FAM168A: variants seen among roughly 807,000 people sequenced by gnomAD.
The protein encoded by FAM168A is family with sequence similarity 168 member A.
A neutral mutation model predicts 28.5 loss-of-function variants in FAM168A; 3 were observed. The ratio of observed to expected loss-of-function variants is 0.11; its 90% CI spans 0.05 to 0.27. The LOEUF (loss-of-function observed/expected upper bound fraction) is 0.27, where lower values mean the gene tolerates loss of function less well. Among genes scored for constraint, FAM168A ranks in the 10% least tolerant of loss-of-function variants. The pLI, the probability that FAM168A is intolerant of heterozygous loss-of-function variation, is 1.00. For synonymous variants in FAM168A, 122 were observed against 124.2 expected (o/e 0.98, Z 0.12); for missense variants, 222 against 311.5 (o/e 0.71, Z 2.16).
At chr11:73,463,511 A>T (rs1270146386) in intron 2 of FAM168A, among the ~76,000 whole-genome samples, 5 of 152,220 alleles carry the variant, frequency 3.3e-5, no homozygotes, top group Non-Finnish European at 7.3e-5. Flanking sequence ...GATGTTCAGG[A>T]GACGGCTGGA....
At chr11:73,583,107 A>G (rs1488979721) in intron 1 of FAM168A, among the ~76,000 whole-genome samples, 1 of 152,182 alleles carries the variant, frequency 6.6e-6, no homozygotes, top group Non-Finnish European at 1.5e-5. Context: ...GATCAAGACC[A>G]TCCTGGCTAA....
intron 3 of FAM168A, among the ~76,000 whole-genome samples, chr11:73,426,703 CTGTGTGTGTGTGTG>C (rs34499254): frequency 1.4e-5 from 2 of 144,204 alleles, no homozygotes; most frequent in East Asian, 4.1e-4. Context: ...CCAAAATATG[CTGTGTGTGTGTGTG>C]TGTGTGTGTG....
In FAM168A at chr11:73,404,495, G is replaced by T. The variant is rs1202228953; in HGVS notation, c.*2268C>A. On this transcript the variant is annotated 3_prime_UTR_variant, in exon 8 of 8. Coordinates refer to ENST00000356467, the MANE Select transcript of FAM168A (RefSeq NM_015159.3). ...TTTCAAACACGTATGACATAATCTAGAACAACCTTCACCCACCTTTACAAA... is the reference window on the plus strand; with the variant it reads ...TTTCAAACACGTATGACATAATCTATAACAACCTTCACCCACCTTTACAAA... 6.6e-6 allele frequency: 1 copy of T among 152,166 alleles called. No homozygotes were observed. Among genetic ancestry groups the T allele is most frequent in the Non-Finnish European group, 1.5e-5 (1 of 68,022 alleles). 9.4% of individuals were successfully genotyped at this position (152,166 alleles called of 1,614,324 possible). A position where few individuals can be genotyped will look rare whatever the true frequency, so the allele number is the denominator to read the frequency against.
At chr11:73,550,195 A>G (rs1465893654) in intron 1 of FAM168A, among the ~76,000 whole-genome samples, 3 of 152,234 alleles carry the variant, frequency 2.0e-5, no homozygotes, top group African/African-American at 7.2e-5. Flanking sequence ...GTAGACAGAA[A>G]CTTAAATTGG....
chr11:73,507,247 C>T (rs912414843), intron 1 of FAM168A, among the ~76,000 whole-genome samples: 2 of 152,196 alleles, frequency 1.3e-5, no homozygotes, highest in African/African-American at 4.8e-5. Flanking sequence ...ACAGACCCAA[C>T]ATCTTATTTT....
At chr11:73,565,428 G>GT (rs1442292539) in intron 1 of FAM168A, among the ~76,000 whole-genome samples, 1 of 152,116 alleles carries the variant, frequency 6.6e-6, no homozygotes, top group Non-Finnish European at 1.5e-5. Context: ...GAGACAGGAG[G>GT]TAAATAAAGG....
chr11:73,407,584 T>C lies in FAM168A; in HGVS notation c.655A>G (p.Thr219Ala), dbSNP rs374821207. ...AIGAHPVSMP[T>A]YRAQGTPAYS... is the part of the protein sequence containing the mutation. ...GCAGGGGTTCCTTGGGCCCTATATG[T>C]TGGCATGGAGACAGGGTGTGCCCCA... The change falls in exon 7 of 8, where the codon ACA (threonine) becomes GCA (alanine). Residue 219 changes from threonine (T) to alanine (A), a missense_variant. Thr to Ala is a moderately conservative substitution (Grantham distance 58). Coordinates refer to ENST00000356467, the MANE Select transcript of FAM168A (RefSeq NM_015159.3). 89 of 1,609,114 alleles carry C rather than the reference T, an allele frequency of 5.5e-5. No homozygotes were observed. The highest frequency in any genetic ancestry group is 7.3e-5 in the Non-Finnish European group (86 of 1,178,294).
intron 1 of FAM168A, among the ~76,000 whole-genome samples, chr11:73,575,866 T>A (rs1944166681): frequency 1.4e-5 from 2 of 146,506 alleles, no homozygotes; most frequent in South Asian, 2.1e-4. Flanking sequence ...TCAAACTATG[T>A]CAAAAAAAAA....
chr11:73,472,706 C>T (rs928359255), intron 1 of FAM168A, among the ~76,000 whole-genome samples: 4 of 152,166 alleles, frequency 2.6e-5, no homozygotes, highest in Admixed American at 2.0e-4. Flanking sequence ...GGAAACTAGT[C>T]ATGTTTTTTA....
At chr11:73,528,268 T>C (rs556076952) in intron 1 of FAM168A, among the ~76,000 whole-genome samples, 1 of 152,284 alleles carries the variant, frequency 6.6e-6, no homozygotes, top group East Asian at 1.9e-4. Flanking sequence ...CTAGGCTGCA[T>C]TCTCAGAAAG....
chr11:73,483,805 G>C (rs554377556), intron 1 of FAM168A, among the ~76,000 whole-genome samples: 9 of 152,282 alleles, frequency 5.9e-5, no homozygotes, highest in Admixed American at 4.6e-4. Flanking sequence ...CTGGGAATCT[G>C]GAAATACTGA....
chr11:73,542,035 C>T (rs1353753488), intron 1 of FAM168A, among the ~76,000 whole-genome samples: 1 of 152,172 alleles, frequency 6.6e-6, no homozygotes, highest in Non-Finnish European at 1.5e-5. Flanking sequence ...TAGGTTCTTC[C>T]TCTACCTCAC....
At chr11:73,592,245 CAGG>C (rs1944391846) in intron 1 of FAM168A, among the ~76,000 whole-genome samples, 2 of 152,190 alleles carry the variant, frequency 1.3e-5, no homozygotes, top group African/African-American at 4.8e-5. Flanking sequence ...GCCTAACTGG[CAGG>C]AGGAGGAGGT....
intron 1 of FAM168A, among the ~76,000 whole-genome samples, chr11:73,560,563 CTA>C (rs1406447221): frequency 6.6e-6 from 1 of 152,176 alleles, no homozygotes; most frequent in Non-Finnish European, 1.5e-5. Context: ...CTGACTAAGG[CTA>C]TCAACCTGCC....
At chr11:73,424,661 G>A (rs1223641329) in intron 3 of FAM168A, among the ~76,000 whole-genome samples, 1 of 152,148 alleles carries the variant, frequency 6.6e-6, no homozygotes, top group Non-Finnish European at 1.5e-5. Context: ...GTTCTAATAG[G>A]CATAATCCAG....
chr11:73,407,621 C>A lies in FAM168A; in HGVS notation c.618G>T (p.Gln206His), dbSNP rs1329606804. 1 of 1,610,930 alleles carries A rather than the reference C, an allele frequency of 6.2e-7. No individual in the cohort carries two copies. Among genetic ancestry groups the A allele is most frequent in the East Asian group, 2.2e-5 (1 of 44,458 alleles). ...MSAGTLLTTP[Q>H]HTAIGAHPVS... ...CAGGGTGTGCCCCAATCGCCGTGTG[C>A]TGGGGTGTAGTCAGCAGGGTACCTG... The change falls in exon 7 of 8, where the codon CAG (glutamine) becomes CAT (histidine). Residue 206 changes from glutamine to histidine, a missense_variant. This residue lies in a region of FAM168A where 64 missense variants were observed against 94.6 expected (regional missense o/e 0.68). Transcript: ENST00000356467.
intron 1 of FAM168A, among the ~76,000 whole-genome samples, chr11:73,540,925 C>G (rs910192937): frequency 6.6e-6 from 1 of 152,122 alleles, no homozygotes; most frequent in East Asian, 1.9e-4. Flanking sequence ...TTAAATTAGT[C>G]CGGGTACGGT....
chr11:73,586,241 T>C (rs1460446229), intron 1 of FAM168A, among the ~76,000 whole-genome samples: 3 of 152,166 alleles, frequency 2.0e-5, no homozygotes, highest in South Asian at 2.1e-4. Context: ...TGGGCCTGCA[T>C]AGGCTCAACA....
intron 1 of FAM168A, among the ~76,000 whole-genome samples, chr11:73,483,600 A>T (rs501953): frequency 6.6e-6 from 1 of 151,984 alleles, no homozygotes; most frequent in Non-Finnish European, 1.5e-5. Context: ...GGAAATGAAG[A>T]TCTGAACTAG....
Sources: allele counts gnomAD v4.1 joint callset (sites outside exome capture counted in the v4.1 genomes callset), GRCh38; gene constraint gnomAD v4.1.1; regional missense constraint gnomAD v4.1.1; transcripts MANE v1.5; gene names NCBI Gene and HGNC (gene_info 2026-07-23, HGNC 2026-07-21).